UACA: variants seen among roughly 807,000 people sequenced by gnomAD.
The protein encoded by UACA is nuclear membrane binding protein.
UACA carries 112 observed loss-of-function variants against 160.5 expected under a neutral mutation model. That is an observed-to-expected ratio of 0.70 (90% CI 0.60 to 0.82). The LOEUF is 0.82. UACA is among the 40% of genes least tolerant of loss of function. The pLI, the probability that UACA is intolerant of heterozygous loss-of-function variation, is 0.00. For synonymous variants in UACA, 557 were observed against 568.4 expected (o/e 0.98, Z 0.29); for missense variants, 1,574 against 1,614.6 (o/e 0.97, Z 0.43).
intron 1 of UACA, among the ~76,000 whole-genome samples, chr15:70,747,375 G>A (rs767504723): frequency 2.0e-5 from 3 of 150,850 alleles, no homozygotes; most frequent in Non-Finnish European, 3.0e-5. Context: ...TCCCTTTTAG[G>A]GGTTATTTTT....
At chr15:70,703,682 A>AT (rs1898443434) in intron 1 of UACA, among the ~76,000 whole-genome samples, 1 of 152,192 alleles carries the variant, frequency 6.6e-6, no homozygotes, top group African/African-American at 2.4e-5. Context: ...AACTAAAGCC[A>AT]TATAAGGAGC....
chr15:70,778,434 C>T, the UACA span, among the ~76,000 whole-genome samples: 1 of 152,208 alleles, frequency 6.6e-6, no homozygotes, highest in Non-Finnish European at 1.5e-5. Flanking sequence ...AGAGGCTGCC[C>T]TCGTTCCTTG....
chr15:70,742,220 T>C (rs1273480305), intron 1 of UACA, among the ~76,000 whole-genome samples: 1 of 152,202 alleles, frequency 6.6e-6, no homozygotes, highest in Non-Finnish European at 1.5e-5. Flanking sequence ...CACAAATCCT[T>C]TCACATCTTC....
intron 2 of UACA, among the ~76,000 whole-genome samples, chr15:70,697,773 G>A (rs966694157): frequency 6.6e-5 from 10 of 152,144 alleles, no homozygotes; most frequent in Non-Finnish European, 1.5e-4. Flanking sequence ...ACTCTTGGCC[G>A]GGCACAGTGG....
At chr15:70,754,160 C>T (rs1334265912) in intron 1 of UACA, 10 of 455,828 alleles carry the variant, frequency 2.2e-5, no homozygotes, top group Middle Eastern at 3.2e-4. Flanking sequence ...AGTCATTTAT[C>T]CTAACTGGTT....
chr15:70,769,531 A>G, the UACA span, among the ~76,000 whole-genome samples: 5 of 150,864 alleles, frequency 3.3e-5, no homozygotes, highest in Admixed American at 1.3e-4. Flanking sequence ...AAATGTTATA[A>G]TAAAGTTATA....
rs762356912 is a variant in UACA, at chr15:70,687,574, C to T, written c.568G>A (p.Gly190Arg). The part of the protein sequence containing the change: ...PTICQLLIDR[G>R]ADVNSRDKQN... The stretch of plus-strand genomic sequence containing the variant: ...TTGTCTCTGGAATTAACATCCGCTC[C>T]TCTATCTATCAGCAGTTGACATATT... The change falls in exon 7 of 19, where the codon GGA (glycine) becomes AGA (arginine). Residue 190 changes from glycine to arginine, a missense_variant. Coordinates refer to ENST00000322954, the MANE Select transcript of UACA (RefSeq NM_018003.4). The T allele has an allele frequency of 2.5e-6, 4 of 1,613,894 alleles. No homozygotes were observed. In the East Asian group the frequency reaches 8.9e-5, roughly 36 times the overall value.
chr15:70,687,422 G>A (rs1897763896), intron 7 of UACA, 118 bp downstream of exon 7: 1 of 841,724 alleles, frequency 1.2e-6, no homozygotes, highest in Admixed American at 2.3e-5. Context: ...GCAAGCCAGG[G>A]AAGGGGAGAA....
intron 1 of UACA, among the ~76,000 whole-genome samples, chr15:70,757,121 T>C (rs2030479007): frequency 6.6e-6 from 1 of 152,218 alleles, no homozygotes; most frequent in Non-Finnish European, 1.5e-5. Flanking sequence ...TTCTCCTCTT[T>C]TTCCTTTTCT....
At position 70,668,566 on chromosome 15, in the gene UACA, A is replaced by C; in HGVS notation, c.2118T>G (p.Thr706=). The change falls in exon 16 of 19, where the codon ACT becomes ACG. Residue 706 remains threonine, a synonymous_variant. Transcript: ENST00000322954. ...GTGTCTGATTTTTCAATGTTAACTC[A>C]GTGATCTTCTTCCCAAGTTCTCCTG... ...QKSGELGKKI[T]ELTLKNQTLQ... is the part of the protein sequence containing the mutation. The C allele has an allele frequency of 1.2e-6, 2 of 1,612,818 alleles. No individual in the cohort carries two copies. Among genetic ancestry groups the C allele is most frequent in the African/African-American group, 1.3e-5 (1 of 74,998 alleles).
chr15:70,696,704 A>G (rs372415451), intron 2 of UACA, among the ~76,000 whole-genome samples: 2 of 152,138 alleles, frequency 1.3e-5, no homozygotes, highest in African/African-American at 2.4e-5. Context: ...CTCTGCCACA[A>G]TGAAACTGGG....
chr15:70,749,275 C>A, intron 1 of UACA: 1 of 406,802 alleles, frequency 2.5e-6, no homozygotes, highest in Non-Finnish European at 4.9e-6. Flanking sequence ...GCCTGTAATC[C>A]CAGCACTTTG....
intron 1 of UACA, among the ~76,000 whole-genome samples, chr15:70,761,077 A>G (rs998671842): frequency 6.6e-6 from 1 of 152,218 alleles, no homozygotes. Flanking sequence ...ACAGAATTGT[A>G]CATTACAGCA....
At chr15:70,691,836 C>G (rs973499375) in intron 3 of UACA, among the ~76,000 whole-genome samples, 7 of 152,168 alleles carry the variant, frequency 4.6e-5, no homozygotes, top group Non-Finnish European at 1.0e-4. Flanking sequence ...ACTGATTTTT[C>G]ATGCTTTGGC....
rs1159044303 is a variant in UACA, at chr15:70,660,195, C to T, written c.4135G>A (p.Glu1379Lys). 2.5e-6 allele frequency: 4 copies of T among 1,613,412 alleles called. No individual in the cohort carries two copies. The Admixed American group carries it at 5.0e-5, about 20-fold the overall frequency. ...QLADADRQHQ[E>K]VIAIYRTHLL... ...TGTGTCCGATAAATTGCAATTACTT[C>T]TTGGTGCTGTCTGTCAGCATCCTAG... is the stretch of plus-strand genomic sequence containing the variant. The change falls in exon 18 of 19, where the codon GAA becomes AAA. Residue 1379 changes from glutamate (E) to lysine (K), a missense_variant. Physicochemically the swap from Glu to Lys is moderately conservative, Grantham distance 56 (BLOSUM62 1). Coordinates refer to ENST00000322954, the MANE Select transcript of UACA (RefSeq NM_018003.4).
At chr15:70,768,890 C>T in the UACA span, among the ~76,000 whole-genome samples, 8 of 152,196 alleles carry the variant, frequency 5.3e-5, no homozygotes, top group Middle Eastern at 3.4e-3. Flanking sequence ...TGTATTTTTT[C>T]CCCTCCAGAT....
intron 1 of UACA, among the ~76,000 whole-genome samples, chr15:70,713,749 A>G (rs1416830894): frequency 1.3e-5 from 2 of 152,194 alleles, no homozygotes; most frequent in Non-Finnish European, 2.9e-5. Context: ...ATTTATATTG[A>G]GCAATATTAC....
intron 1 of UACA, among the ~76,000 whole-genome samples, chr15:70,759,798 T>G (rs1177208137): frequency 6.6e-6 from 1 of 152,264 alleles, no homozygotes; most frequent in Admixed American, 6.5e-5. Flanking sequence ...TGAACTACAT[T>G]TATATGTGTA....
chr15:70,665,267 A>C (rs949283007), intron 16 of UACA, among the ~76,000 whole-genome samples: 7 of 152,138 alleles, frequency 4.6e-5, no homozygotes, highest in African/African-American at 1.7e-4. Context: ...ATTTAAGACC[A>C]CTTTGTTGTA....
Sources: allele counts gnomAD v4.1 joint callset (sites outside exome capture counted in the v4.1 genomes callset), GRCh38; gene constraint gnomAD v4.1.1; transcripts MANE v1.5; gene names NCBI Gene and HGNC (gene_info 2026-07-23, HGNC 2026-07-21).